Variants in MRPL42 observed in about 807,000 individuals in gnomAD.
The protein encoded by MRPL42 is large ribosomal subunit protein mL42.
In MRPL42, 17 loss-of-function variants were observed where a neutral mutation model predicts 17.9. The ratio of observed to expected loss-of-function variants is 0.95; its 90% confidence interval spans 0.65 to 1.42. The LOEUF (loss-of-function observed/expected upper bound fraction) is 1.42. Among genes scored for constraint, MRPL42 ranks in the 40% most tolerant of loss-of-function variants. The pLI is 0.00. For missense variants in MRPL42, 177 were observed against 175.2 expected, an observed-to-expected ratio of 1.01 and a Z score of -0.06; for synonymous variants, 59 against 54.4, an observed-to-expected ratio of 1.08 and a Z score of -0.37.
rs1422195071 is a variant in MRPL42, at chr12:93,502,610, G to A, written c.*1389G>A. 2.0e-5 allele frequency: 3 copies of A among 152,022 alleles called. No homozygotes were observed. The highest frequency in any genetic ancestry group is 7.2e-5 in the African/African-American group (3 of 41,392). The allele number at this position is 152,022 out of a possible 1,614,324, so 9.4% of individuals were successfully genotyped here. A position where few individuals can be genotyped will look rare whatever the true frequency, so the allele number is the denominator to read the frequency against. On this transcript the variant is annotated 3_prime_UTR_variant, in exon 6 of 6. Transcript: ENST00000549982. Reference sequence around the variant, plus strand: ...CATTAATATAAATTTCATTTGGAAAGATTAAAAAAACAAGTTTGATTGAAC... The same window carrying A: ...CATTAATATAAATTTCATTTGGAAAAATTAAAAAAACAAGTTTGATTGAAC...
rs373608435 is a variant in MRPL42, at chr12:93,501,182, C to T, written c.390C>T (p.His130=). 140 of 1,598,680 alleles carry T rather than the reference C, an allele frequency of 8.8e-5. No individual in the cohort carries two copies. Among genetic ancestry groups the T allele is most frequent in the Non-Finnish European group, 1.1e-4 (132 of 1,174,398 alleles). Residue 130 remains histidine (H), a synonymous_variant, in exon 6 of 6, where the codon CAC becomes CAT. Coordinates refer to ENST00000549982, the MANE Select transcript of MRPL42 (RefSeq NM_014050.4). ...KHRWYPHGRY[H]RCRKNLNPPK... ...GTATTTTCTTCTTTTCAAGGTATCA[C>T]AGATGTCGTAAGAATCTGAATCCTC... is the stretch of plus-strand genomic sequence containing the variant.
rs184919411 is a variant in MRPL42, at chr12:93,469,206, A to G, written c.-80A>G. On this transcript the variant is annotated 5_prime_UTR_variant, in exon 2 of 6. The change abolishes an upstream ATG in the 5' untranslated region. Coordinates refer to ENST00000549982, the MANE Select transcript of MRPL42 (RefSeq NM_014050.4). ...CTCTTCAGCAGGAGTAGAAATTGGT[A>G]TGCTTAGAAGCAGATTCTAAAAGCA... 29 of 1,095,464 alleles carry G rather than the reference A, an allele frequency of 2.6e-5. No individual in the cohort carries two copies. In the Admixed American group the frequency reaches 5.1e-4, roughly 19 times the overall value. The allele number at this position is 1,095,464 out of a possible 1,614,324, so 67.9% of individuals were successfully genotyped here.
chr12:93,470,342 G>A, intron 2 of MRPL42: 1 of 693,996 alleles, frequency 1.4e-6, no homozygotes, highest in Non-Finnish European at 1.9e-6. Flanking sequence ...TTTCCTGTCT[G>A]TAAACAGAGT....
chr12:93,488,414 T>G (rs1953350486), intron 5 of MRPL42: 2 of 397,630 alleles, frequency 5.0e-6, no homozygotes, highest in Non-Finnish European at 8.9e-6. Flanking sequence ...TTACATATAA[T>G]TTAGCTAAAA....
At chr12:93,498,184 T>TAATGATACG (rs1304356548) in intron 5 of MRPL42, among the ~76,000 whole-genome samples, 84 of 3,972 alleles carry the variant, frequency 0.021, no homozygotes, top group Non-Finnish European at 0.031. Context: ...TATCTTGTTT[T>TAATGATACG]GTGTACTACA....
chr12:93,469,057 T>C (rs1275510891), intron 1 of MRPL42, 135 bp from the exon 2 acceptor site: 3 of 471,826 alleles, frequency 6.4e-6, no homozygotes, highest in Non-Finnish European at 3.7e-6. Context: ...TGTTCAATCA[T>C]GTGGAATTGC....
chr12:93,474,556 A>C (rs1006709268), intron 2 of MRPL42, among the ~76,000 whole-genome samples: 1 of 151,956 alleles, frequency 6.6e-6, no homozygotes, highest in Admixed American at 6.6e-5. Flanking sequence ...AGCTTCAGCC[A>C]CCTGAGTAGC....
At position 93,514,645 on chromosome 12, in the gene MRPL42, C is replaced by G. The variant is rs891366832; in HGVS notation, c.*13424C>G. 2.0e-5 allele frequency: 3 copies of G among 152,144 alleles called. No homozygotes were observed. The highest frequency in any genetic ancestry group is 7.2e-5 in the African/African-American group (3 of 41,440). The allele number at this position is 152,144 out of a possible 1,614,324, so 9.4% of individuals were successfully genotyped here. A position where few individuals can be genotyped will look rare whatever the true frequency, so the allele number is the denominator to read the frequency against. The stretch of plus-strand genomic sequence containing the variant: ...CAGTCTGCTTATGGTTTATAATCCT[C>G]AGACTTGATTCTCCCCCTGAATCTA... On this transcript the variant is annotated 3_prime_UTR_variant, in exon 6 of 6. Coordinates refer to ENST00000549982, the MANE Select transcript of MRPL42 (RefSeq NM_014050.4).
rs966124981 is a variant in MRPL42, at chr12:93,515,362, G to A, written c.*14141G>A. ...AGGAAGTAAAAATTAATAGGCCTTG[G>A]CAACTATTTTTTTTTTTTTTTTTTG... On this transcript the variant is annotated 3_prime_UTR_variant, in exon 6 of 6. Coordinates refer to ENST00000549982, the MANE Select transcript of MRPL42 (RefSeq NM_014050.4). The A allele has an allele frequency of 1.7e-5, 2 of 117,590 alleles. No homozygotes were observed. Among genetic ancestry groups the A allele is most frequent in the African/African-American group, 6.1e-5 (2 of 32,536 alleles). 7.3% of individuals were successfully genotyped at this position (117,590 alleles called of 1,614,324 possible).
At chr12:93,470,407 T>C (rs374411153) in intron 2 of MRPL42, 1 of 1,156,550 alleles carries the variant, frequency 8.6e-7, no homozygotes, top group Non-Finnish European at 1.1e-6. Context: ...AAAGTAGACA[T>C]GTATAGAAGG....
chr12:93,500,488 G>T (rs1413017479), intron 5 of MRPL42, among the ~76,000 whole-genome samples: 1 of 152,026 alleles, frequency 6.6e-6, no homozygotes, highest in Non-Finnish European at 1.5e-5. Flanking sequence ...CCTCCATTTT[G>T]CATGACATTA....
intron 3 of MRPL42, among the ~76,000 whole-genome samples, 180 bp from the exon 4 acceptor site, chr12:93,479,208 C>T (rs961668078): frequency 4.0e-5 from 6 of 151,336 alleles, no homozygotes; most frequent in Admixed American, 4.0e-4. Flanking sequence ...CAGGCATGAG[C>T]CACCACGCTG....
chr12:93,510,294 G>A lies in MRPL42; in HGVS notation c.*9073G>A, dbSNP rs1290933229. The A allele has an allele frequency of 6.6e-6, 1 of 151,880 alleles. No homozygotes were observed. Among genetic ancestry groups the A allele is most frequent in the African/African-American group, 2.4e-5 (1 of 41,302 alleles). The allele number at this position is 151,880 out of a possible 1,614,324, so 9.4% of individuals were successfully genotyped here. A position where few individuals can be genotyped will look rare whatever the true frequency, so the allele number is the denominator to read the frequency against. On this transcript the variant is annotated 3_prime_UTR_variant, in exon 6 of 6. Coordinates refer to ENST00000549982, the MANE Select transcript of MRPL42 (RefSeq NM_014050.4). ...TGATAGCTCATTTCTTTTTAGCATC[G>A]AGTAATACTCCATTGTCTGGGTGTA...
chr12:93,491,790 C>T (rs1953420873), intron 5 of MRPL42, among the ~76,000 whole-genome samples: 1 of 152,046 alleles, frequency 6.6e-6, no homozygotes, highest in South Asian at 2.1e-4. Flanking sequence ...GTCTGTTGTC[C>T]CCAGTGTTTT....
At chr12:93,492,065 T>C (rs1483704832) in intron 5 of MRPL42, among the ~76,000 whole-genome samples, 1 of 152,226 alleles carries the variant, frequency 6.6e-6, no homozygotes, top group East Asian at 1.9e-4. Context: ...TTGTGAGTAG[T>C]GCTACAGTGA....
chr12:93,468,860 G>T (rs1320908724), intron 1 of MRPL42, among the ~76,000 whole-genome samples: 4 of 152,182 alleles, frequency 2.6e-5, no homozygotes, highest in South Asian at 4.1e-4. Flanking sequence ...AGCATTAAAA[G>T]AATGAATACT....
intron 5 of MRPL42, among the ~76,000 whole-genome samples, chr12:93,494,155 T>C (rs967949798): frequency 2.6e-5 from 4 of 151,286 alleles, no homozygotes; most frequent in African/African-American, 9.7e-5. Flanking sequence ...GTTGTAGGCC[T>C]AGAGTGTTTC....
At chr12:93,486,384 G>A (rs889882483) in intron 4 of MRPL42, among the ~76,000 whole-genome samples, 3 of 151,794 alleles carry the variant, frequency 2.0e-5, no homozygotes, top group Admixed American at 1.3e-4. Context: ...TTGCTCTTTC[G>A]CCCAGGCTGG....
chr12:93,487,690 TA>T, intron 5 of MRPL42, 30 bp downstream of exon 5: 2 of 1,536,742 alleles, frequency 1.3e-6, no homozygotes, highest in Non-Finnish European at 1.8e-6. Flanking sequence ...CTTCAATCCC[TA>T]CTACATACAG....
Sources: allele counts gnomAD v4.1 joint callset (sites outside exome capture counted in the v4.1 genomes callset), GRCh38; gene constraint gnomAD v4.1.1; transcripts MANE v1.5; gene names NCBI Gene and HGNC (gene_info 2026-07-23, HGNC 2026-07-21).